The following BMERB1 variants were observed in gnomAD, a reference collection of about 807,000 sequenced individuals.
BMERB1 encodes bMERB domain-containing protein 1.
Under a neutral mutation model 23.6 loss-of-function variants are expected in BMERB1, and 12 were observed. The ratio of observed to expected loss-of-function variants is 0.51; its 90% CI spans 0.33 to 0.82. The LOEUF (loss-of-function observed/expected upper bound fraction) is 0.82, where lower values mean the gene tolerates loss of function less well. BMERB1 is among the 40% of genes least tolerant of loss of function. BMERB1 has a pLI of 0.03. For synonymous variants in BMERB1, 122 were observed against 96.6 expected (o/e 1.26, Z -1.54); for missense variants, 247 against 255.4 (o/e 0.97, Z 0.22).
chr16:15,528,707 C>A (rs746095421), intron 2 of BMERB1, among the ~76,000 whole-genome samples: 3 of 152,036 alleles, frequency 2.0e-5, no homozygotes, highest in Non-Finnish European at 2.9e-5. Flanking sequence ...CCTCCCACCC[C>A]CCTCTCCTTC....
intron 1 of BMERB1, among the ~76,000 whole-genome samples, chr16:15,499,359 C>G (rs2051504512): frequency 6.6e-6 from 1 of 151,920 alleles, no homozygotes; most frequent in African/African-American, 2.4e-5. Context: ...GATCACACCA[C>G]TGCACTCCAG....
At chr16:15,570,781 T>C (rs997906934) in intron 3 of BMERB1, among the ~76,000 whole-genome samples, 1 of 152,002 alleles carries the variant, frequency 6.6e-6, no homozygotes, top group African/African-American at 2.4e-5. Context: ...AGATTATTCA[T>C]GAGTTTTCTG....
intron 1 of BMERB1, among the ~76,000 whole-genome samples, chr16:15,474,119 CAAAA>C (rs71152434): frequency 2.2e-5 from 2 of 91,560 alleles, no homozygotes; most frequent in African/African-American, 4.7e-5. Flanking sequence ...GACTCTGTCT[CAAAA>C]AAAAAAAAAA....
chr16:15,455,613 G>A (rs2051080076), intron 1 of BMERB1, among the ~76,000 whole-genome samples: 1 of 151,574 alleles, frequency 6.6e-6, no homozygotes, highest in African/African-American at 2.4e-5. Context: ...GGCATGTGCC[G>A]CCACACCTGG....
chr16:15,547,778 C>T (rs1370047501), intron 2 of BMERB1, among the ~76,000 whole-genome samples: 3 of 152,128 alleles, frequency 2.0e-5, no homozygotes, highest in Admixed American at 6.5e-5. Context: ...TGTGGGTGTC[C>T]GAATCAGGAT....
intron 2 of BMERB1, among the ~76,000 whole-genome samples, 157 bp from the exon 3 acceptor site, chr16:15,567,826 G>T (rs1002975985): frequency 2.0e-5 from 3 of 152,182 alleles, no homozygotes; most frequent in Non-Finnish European, 4.4e-5. Flanking sequence ...AGCAGTGTTT[G>T]GCTTTTTCCT....
chr16:15,533,195 G>GGATAGATAA (rs2051986757), intron 2 of BMERB1: 14 of 325,616 alleles, frequency 4.3e-5, no homozygotes, highest in South Asian at 3.3e-4. Context: ...GTTTGGAAAT[G>GGATAGATAA]GATAGATACA....
chr16:15,487,136 A>G (rs528229680), intron 1 of BMERB1, among the ~76,000 whole-genome samples: 4 of 152,326 alleles, frequency 2.6e-5, no homozygotes, highest in South Asian at 2.1e-4. Flanking sequence ...TATCATTGCT[A>G]TTGCCCTTGA....
intron 1 of BMERB1, among the ~76,000 whole-genome samples, chr16:15,511,020 C>A (rs149417040): frequency 3.0e-4 from 46 of 151,984 alleles, no homozygotes; most frequent in African/African-American, 7.0e-4. Context: ...TATTTCGATC[C>A]TATTCCTCCC....
At chr16:15,549,905 A>AT (rs919245758) in intron 2 of BMERB1, among the ~76,000 whole-genome samples, 6 of 150,558 alleles carry the variant, frequency 4.0e-5, no homozygotes, top group African/African-American at 1.5e-4. Flanking sequence ...TCTTTATTTC[A>AT]TTTTCTCTTA....
chr16:15,575,805 C>T (rs2030843442), intron 3 of BMERB1, among the ~76,000 whole-genome samples: 1 of 151,664 alleles, frequency 6.6e-6, no homozygotes. Flanking sequence ...TCTGATTGGT[C>T]GCAGAAAGCT....
intron 1 of BMERB1, among the ~76,000 whole-genome samples, chr16:15,510,724 C>G (rs541067247): frequency 6.6e-6 from 1 of 151,616 alleles, no homozygotes; most frequent in South Asian, 2.1e-4. Flanking sequence ...TTTTTTTAGA[C>G]GTAGTCTCAC....
chr16:15,527,535 G>A (rs1040741442), intron 2 of BMERB1, among the ~76,000 whole-genome samples: 1 of 152,138 alleles, frequency 6.6e-6, no homozygotes, highest in African/African-American at 2.4e-5. Context: ...ATACCTGGAG[G>A]CAGAGGTTGC....
chr16:15,561,029 C>T (rs1162639257), intron 2 of BMERB1, among the ~76,000 whole-genome samples: 4 of 136,492 alleles, frequency 2.9e-5, no homozygotes, highest in African/African-American at 5.5e-5. Context: ...GATCTCAGCT[C>T]ACCGCAATCT....
intron 1 of BMERB1, among the ~76,000 whole-genome samples, chr16:15,488,931 A>G (rs1032371762): frequency 2.7e-5 from 4 of 147,926 alleles, no homozygotes; most frequent in African/African-American, 7.5e-5. Context: ...AAAGGAATGT[A>G]CTAACCGGGG....
chr16:15,541,627 A>T (rs1234863826), intron 2 of BMERB1, among the ~76,000 whole-genome samples: 22 of 127,256 alleles, frequency 1.7e-4, no homozygotes, highest in Non-Finnish European at 2.9e-4. Flanking sequence ...TTTGAGACAG[A>T]GTCTTGCTCT....
intron 1 of BMERB1, among the ~76,000 whole-genome samples, chr16:15,451,879 T>C (rs2051045279): frequency 6.6e-6 from 1 of 151,826 alleles, no homozygotes; most frequent in African/African-American, 2.4e-5. Context: ...TCTGGCTCTC[T>C]GAGTATTTCT....
intron 2 of BMERB1, among the ~76,000 whole-genome samples, chr16:15,534,286 C>CAAAAAAAA (rs1168488547): frequency 2.9e-4 from 12 of 41,952 alleles, no homozygotes; most frequent in South Asian, 9.4e-4. Context: ...TTTTTAATTG[C>CAAAAAAAA]AAAAAAAAAA....
intron 2 of BMERB1, chr16:15,536,889 ATCT>A (rs1389399443): frequency 1.3e-5 from 2 of 152,216 alleles, no homozygotes; most frequent in African/African-American, 2.4e-5. Context: ...TAGATGACTC[ATCT>A]TCTTAATCCT....
Sources: allele counts gnomAD v4.1 joint callset (sites outside exome capture counted in the v4.1 genomes callset), GRCh38; gene constraint gnomAD v4.1.1; transcripts MANE v1.5; gene names NCBI Gene and HGNC (gene_info 2026-07-23, HGNC 2026-07-21).